PIK3C2G: variants seen among roughly 807,000 people sequenced by gnomAD.
The protein encoded by PIK3C2G is phosphatidylinositol-4-phosphate 3-kinase catalytic subunit type 2 gamma, also known as phosphatidylinositol 3-kinase C2 domain-containing subunit gamma.
A neutral mutation model predicts 181.1 loss-of-function variants in PIK3C2G; 168 were observed. The observed-to-expected ratio is 0.93, with a 90% CI of 0.82 to 1.05. The LOEUF (loss-of-function observed/expected upper bound fraction) is 1.05, where lower values mean the gene tolerates loss of function less well. Among genes scored for constraint, PIK3C2G ranks in the 50% least tolerant of loss-of-function variants. The probability of loss-of-function intolerance (pLI) is 0.00; values close to 1 mark genes in which losing one functional copy is unlikely to be tolerated. For synonymous variants in PIK3C2G, 573 were observed against 592.2 expected, an observed-to-expected ratio of 0.97 and a Z score of 0.47; for missense variants, 1,869 against 1,732.8, an observed-to-expected ratio of 1.08 and a Z score of -1.40.
chr12:18,364,692 G>A (rs1941512142), intron 12 of PIK3C2G, among the ~76,000 whole-genome samples: 1 of 152,182 alleles, frequency 6.6e-6, no homozygotes. Flanking sequence ...GAGGTCAGAA[G>A]TTTGAGACCA....
chr12:18,702,060 A>G, the PIK3C2G span, among the ~76,000 whole-genome samples: 1 of 152,150 alleles, frequency 6.6e-6, no homozygotes, highest in African/African-American at 2.4e-5. Context: ...AACAATTTGA[A>G]ATATGTGAAA....
chr12:18,336,214 T>C (rs1938517362), intron 8 of PIK3C2G, among the ~76,000 whole-genome samples: 2 of 152,156 alleles, frequency 1.3e-5, no homozygotes, highest in African/African-American at 2.4e-5. Flanking sequence ...TCTAATTTAA[T>C]CTTTACAGAA....
chr12:18,635,622 C>A (rs1457056197), intron 31 of PIK3C2G, among the ~76,000 whole-genome samples: 1 of 152,176 alleles, frequency 6.6e-6, no homozygotes, highest in South Asian at 2.1e-4. Context: ...TGGTGAAATT[C>A]ACCATAGGGA....
chr12:18,550,686 A>T (rs1263899346), intron 26 of PIK3C2G, among the ~76,000 whole-genome samples: 1 of 152,090 alleles, frequency 6.6e-6, no homozygotes, highest in Non-Finnish European at 1.5e-5. Flanking sequence ...TTGTTCTGAT[A>T]GGCTAAAAGT....
rs1233151924 is a variant in PIK3C2G, at chr12:18,505,455, TA to T, written c.3322del (p.Arg1108GlyfsTer48). ...FLGHAQTFGGIKRDRAPFIFT... is the reference protein window; with the variant it reads ...FLGHAQTFGGXKRDRAPFIFT... ...GGTCATGCACAAACATTTGGAGGGA[TA>T]AAAAGGTCAGTGCACAAATGTTTAT... On this transcript the variant is annotated frameshift_variant, in exon 24 of 33. Coordinates refer to ENST00000538779, the MANE Select transcript of PIK3C2G (RefSeq NM_001288772.2). LOFTEE classifies it high-confidence loss of function. 1 of 1,611,542 alleles carries T rather than the reference TA, an allele frequency of 6.2e-7. No homozygotes were observed. The highest frequency in any genetic ancestry group is 1.1e-5 in the South Asian group (1 of 90,652).
rs369053962 is a variant in PIK3C2G at position 18,524,867 on chromosome 12, T to C, written c.3324-13289T>C. On this transcript the variant is annotated intron_variant, in intron 24 of 32. Transcript: ENST00000538779. ...ACAGGCATGAGCCACCCACCCGGCC[T>C]GTGCCTCAGTTTTCTTGTTTAAAAA... 6.0e-4 allele frequency among the ~76,000 whole-genome samples: 91 copies of C among 152,056 alleles called. No individual in the cohort carries two copies. The East Asian group carries it at 6.3e-3, about 10-fold the overall frequency.
At position 18,282,686 on chromosome 12, in the gene PIK3C2G, A is replaced by T. The variant is rs201664666; in HGVS notation, c.605A>T (p.Glu202Val). 2.5e-4 allele frequency: 403 copies of T among 1,613,432 alleles called. No individual in the cohort carries two copies. The highest frequency in any genetic ancestry group is 3.3e-4 in the Non-Finnish European group (390 of 1,179,622). Residue 202 changes from glutamate to valine, a missense_variant, in exon 2 of 33, where the codon GAA (glutamate) becomes GTA (valine). By Grantham distance (121) the Glu-to-Val change is moderately radical. Coordinates refer to ENST00000538779, the MANE Select transcript of PIK3C2G (RefSeq NM_001288772.2). The stretch of plus-strand genomic sequence containing the variant: ...AGGAGTGGACATGTGAACATTGTGG[A>T]ACCATCTTTGATGCTTTTGAAAGGC... ...NKRSGHVNIV[E>V]PSLMLLKGSL... is the part of the protein sequence containing the mutation.
intron 22 of PIK3C2G, among the ~76,000 whole-genome samples, chr12:18,500,451 G>C (rs1941361605): frequency 6.6e-6 from 1 of 152,172 alleles, no homozygotes; most frequent in Non-Finnish European, 1.5e-5. Flanking sequence ...CTCCTGTGCA[G>C]CCGAGCCTCC....
chr12:18,365,942 A>G (rs923246923), intron 12 of PIK3C2G, among the ~76,000 whole-genome samples: 11 of 152,282 alleles, frequency 7.2e-5, no homozygotes, highest in African/African-American at 2.4e-4. Context: ...GAAAATCTTA[A>G]TGGCTCTCTT....
chr12:18,698,604 T>C, the PIK3C2G span, among the ~76,000 whole-genome samples: 1 of 152,140 alleles, frequency 6.6e-6, no homozygotes, highest in Non-Finnish European at 1.5e-5. Context: ...CCTTCTGTGG[T>C]ATTTCTACAC....
At chr12:18,363,826 G>A (rs999252721) in intron 12 of PIK3C2G, among the ~76,000 whole-genome samples, 1 of 152,076 alleles carries the variant, frequency 6.6e-6, no homozygotes, top group East Asian at 1.9e-4. Context: ...CCTGAAACAT[G>A]GCATGTGACC....
intron 18 of PIK3C2G, among the ~76,000 whole-genome samples, chr12:18,434,978 T>C (rs774694674): frequency 5.3e-5 from 8 of 151,248 alleles, no homozygotes; most frequent in Admixed American, 5.2e-4. Context: ...TATGGGTACA[T>C]TTTGTAACCA....
chr12:18,483,176 G>T (rs925436785), intron 18 of PIK3C2G, among the ~76,000 whole-genome samples: 1 of 152,100 alleles, frequency 6.6e-6, no homozygotes, highest in Non-Finnish European at 1.5e-5. Context: ...GGGTAGAGCC[G>T]AAGTTTTTAG....
the PIK3C2G span, among the ~76,000 whole-genome samples, chr12:18,716,926 T>G: frequency 2.0e-5 from 3 of 152,128 alleles, no homozygotes; most frequent in African/African-American, 7.2e-5. Flanking sequence ...TTTGTAAATA[T>G]GAGGAAATCG....
intron 18 of PIK3C2G, among the ~76,000 whole-genome samples, chr12:18,481,014 C>T (rs1341642853): frequency 1.3e-5 from 2 of 152,102 alleles, no homozygotes; most frequent in Non-Finnish European, 1.5e-5. Flanking sequence ...CTCACTGCAA[C>T]CTCTGCTTCC....
At chr12:18,616,808 G>GAA (rs1317754023) in intron 31 of PIK3C2G, among the ~76,000 whole-genome samples, 2 of 151,988 alleles carry the variant, frequency 1.3e-5, no homozygotes, top group Non-Finnish European at 2.9e-5. Flanking sequence ...GCAAAAAGCT[G>GAA]AAAATTTTTG....
chr12:18,350,045 A>G (rs776646710), intron 11 of PIK3C2G, among the ~76,000 whole-genome samples: 2 of 152,182 alleles, frequency 1.3e-5, no homozygotes, highest in Non-Finnish European at 2.9e-5. Flanking sequence ...AAAACTATAA[A>G]GAAGCAATGA....
At chr12:18,463,045 C>G (rs927386158) in intron 18 of PIK3C2G, among the ~76,000 whole-genome samples, 1 of 152,024 alleles carries the variant, frequency 6.6e-6, no homozygotes, top group African/African-American at 2.4e-5. Flanking sequence ...TTCTATAAAT[C>G]ATGGGATAAT....
At chr12:18,713,800 T>C in the PIK3C2G span, 974 of 152,352 alleles carry the variant, frequency 6.4e-3, 12 homozygotes, top group African/African-American at 0.022. Flanking sequence ...TCTGCTGATA[T>C]CTAAAACTGG....
Sources: allele counts gnomAD v4.1 joint callset (sites outside exome capture counted in the v4.1 genomes callset), GRCh38; gene constraint gnomAD v4.1.1; transcripts MANE v1.5; gene names NCBI Gene and HGNC (gene_info 2026-07-23, HGNC 2026-07-21).